FRAS1: variants seen among roughly 807,000 people sequenced by gnomAD.
FRAS1 encodes the protein Fraser extracellular matrix complex subunit 1, also known as extracellular matrix organizing protein FRAS1.
A neutral mutation model predicts 435.2 loss-of-function variants in FRAS1; 290 were observed. The ratio of observed to expected loss-of-function variants is 0.67; its 90% confidence interval spans 0.61 to 0.73. The LOEUF (loss-of-function observed/expected upper bound fraction) is 0.73. Among genes scored for constraint, FRAS1 ranks in the 30% least tolerant of loss-of-function variants. FRAS1 has a pLI of 0.00. For synonymous variants in FRAS1, 1,800 were observed against 1,851.0 expected, an observed-to-expected ratio of 0.97 and a Z score of 0.71; for missense variants, 4,860 against 5,001.5, an observed-to-expected ratio of 0.97 and a Z score of 0.85.
intron 14 of FRAS1, among the ~76,000 whole-genome samples, chr4:78,290,442 T>C (rs979400025): frequency 7.0e-6 from 1 of 143,852 alleles, no homozygotes; most frequent in Admixed American, 7.1e-5. Flanking sequence ...GGTTTCTTTT[T>C]TTCTTTCTTT....
intron 20 of FRAS1, among the ~76,000 whole-genome samples, chr4:78,355,500 T>C (rs1730815754): frequency 1.3e-5 from 2 of 152,136 alleles, no homozygotes; most frequent in South Asian, 4.1e-4. Flanking sequence ...ATAGGCACTG[T>C]TTTTAAGGAA....
intron 61 of FRAS1, among the ~76,000 whole-genome samples, chr4:78,500,748 C>G (rs1429136986): frequency 6.6e-6 from 1 of 152,106 alleles, no homozygotes; most frequent in Non-Finnish European, 1.5e-5. Flanking sequence ...CTGGCTCCAT[C>G]CCATCTGTGT....
At chr4:78,311,085 G>T (rs1363014905) in intron 15 of FRAS1, among the ~76,000 whole-genome samples, 4 of 143,208 alleles carry the variant, frequency 2.8e-5, no homozygotes, top group Non-Finnish European at 6.3e-5. Context: ...CCATTATGAA[G>T]GGCTTTTCGG....
chr4:78,265,865 G>A (rs189993580), intron 7 of FRAS1, among the ~76,000 whole-genome samples: 171 of 152,290 alleles, frequency 1.1e-3, no homozygotes, highest in African/African-American at 3.9e-3. Context: ...AAGTATTAGG[G>A]GATAGGTGCC....
At chr4:78,307,174 C>T (rs1728777889) in intron 14 of FRAS1, among the ~76,000 whole-genome samples, 1 of 152,204 alleles carries the variant, frequency 6.6e-6, no homozygotes, top group Non-Finnish European at 1.5e-5. Flanking sequence ...AGTTAGGCTG[C>T]TCGGGGGTCA....
intron 61 of FRAS1, among the ~76,000 whole-genome samples, chr4:78,501,025 G>A (rs1468084500): frequency 2.6e-5 from 4 of 152,104 alleles, no homozygotes; most frequent in Non-Finnish European, 5.9e-5. Flanking sequence ...ATGCAGGTTT[G>A]TTACATAGGT....
At chr4:78,446,217 C>G in intron 42 of FRAS1, 1 of 997,172 alleles carries the variant, frequency 1.0e-6, no homozygotes, top group Non-Finnish European at 1.2e-6. Context: ...GAAATACCCT[C>G]TGCCTTGGGA....
At chr4:78,380,655 TA>T (rs1337620622) in intron 27 of FRAS1, among the ~76,000 whole-genome samples, 13 of 152,214 alleles carry the variant, frequency 8.5e-5, no homozygotes, top group African/African-American at 3.1e-4. Context: ...CCCCAAAGAT[TA>T]GCCTCTTGGA....
chr4:78,508,335 C>T (rs1560418115), intron 62 of FRAS1, among the ~76,000 whole-genome samples: 1 of 152,168 alleles, frequency 6.6e-6, no homozygotes, highest in Non-Finnish European at 1.5e-5. Context: ...AAATATACCA[C>T]CTCTATTTAC....
chr4:78,483,768 C>CTATATATATATATATATATATA lies in FRAS1; in HGVS notation c.8752+1234_8752+1235insATATATATATATATATATATAT, dbSNP rs1491536432. Among the ~76,000 whole-genome samples, 29 of 6,504 alleles carry CTATATATATATATATATATATA rather than the reference C, an allele frequency of 4.5e-3. 2 individuals carry two copies. Among genetic ancestry groups the CTATATATATATATATATATATA allele is most frequent in the African/African-American group, 7.8e-3 (28 of 3,610 alleles). 4.3% of individuals were successfully genotyped at this position (6,504 alleles called of 152,430 possible). A position where few individuals can be genotyped will look rare whatever the true frequency, so the allele number is the denominator to read the frequency against. On this transcript the variant is annotated intron_variant, in intron 58 of 73. Transcript: ENST00000512123. ...TTTATCCTTCAGGAGAAAAAAAAAA[C>CTATATATATATATATATATATA]TCTCTCTCTCTCTCTATATATATAT...
At chr4:78,180,280 G>A (rs953306274) in intron 2 of FRAS1, among the ~76,000 whole-genome samples, 2 of 151,910 alleles carry the variant, frequency 1.3e-5, no homozygotes, top group Admixed American at 1.3e-4. Flanking sequence ...ATATATAACA[G>A]CTATCATGAG....
At chr4:78,282,389 G>C (rs993980248) in intron 11 of FRAS1, among the ~76,000 whole-genome samples, 2 of 152,116 alleles carry the variant, frequency 1.3e-5, no homozygotes, top group Non-Finnish European at 2.9e-5. Context: ...GTAACCATAG[G>C]GAAATTCAGG....
intron 30 of FRAS1, among the ~76,000 whole-genome samples, chr4:78,402,373 A>G (rs1404174484): frequency 6.6e-6 from 1 of 152,160 alleles, no homozygotes; most frequent in Non-Finnish European, 1.5e-5. Flanking sequence ...CCACAAAGAC[A>G]TTGAAAAGCC....
At chr4:78,329,861 T>G (rs1729872657) in intron 18 of FRAS1, among the ~76,000 whole-genome samples, 1 of 152,164 alleles carries the variant, frequency 6.6e-6, no homozygotes, top group Non-Finnish European at 1.5e-5. Context: ...TGGCAGAAAA[T>G]CTTTATGGAT....
intron 2 of FRAS1, among the ~76,000 whole-genome samples, chr4:78,222,291 C>A (rs1724090514): frequency 6.6e-6 from 1 of 152,136 alleles, no homozygotes; most frequent in Non-Finnish European, 1.5e-5. Flanking sequence ...TGCTTGCTGC[C>A]CCCCTCTCCC....
chr4:78,477,778 G>A (rs779423920), intron 54 of FRAS1, 37 bp from the exon 55 acceptor site: 2 of 1,591,874 alleles, frequency 1.3e-6, no homozygotes, highest in Admixed American at 3.4e-5. Context: ...GGGAAGCTGA[G>A]GCACAGCTTA....
chr4:78,317,030 C>A (rs964385345), intron 16 of FRAS1, among the ~76,000 whole-genome samples: 1 of 152,188 alleles, frequency 6.6e-6, no homozygotes, highest in African/African-American at 2.4e-5. Context: ...AATTTTTGAA[C>A]TTCCAAGACC....
At chr4:78,075,817 G>A (rs1230472693) in intron 2 of FRAS1, among the ~76,000 whole-genome samples, 3 of 152,170 alleles carry the variant, frequency 2.0e-5, no homozygotes, top group Non-Finnish European at 4.4e-5. Flanking sequence ...AGAATTGGGA[G>A]AGATGAGAGA....
At chr4:78,143,970 G>T (rs1007688473) in intron 2 of FRAS1, among the ~76,000 whole-genome samples, 5 of 147,344 alleles carry the variant, frequency 3.4e-5, no homozygotes, top group Admixed American at 1.4e-4. Flanking sequence ...AATTAAGCTA[G>T]AAATCAATCA....
Sources: gnomAD v4.1 joint callset for allele counts (sites outside exome capture counted in the v4.1 genomes callset) on GRCh38, gnomAD v4.1.1 for gene constraint, MANE v1.5 for transcripts, NCBI Gene and HGNC (gene_info 2026-07-23, HGNC 2026-07-21) for gene names.